Variants in CTNNA3 observed in about 807,000 individuals in gnomAD.
The protein encoded by CTNNA3 is catenin alpha-3.
In CTNNA3, 76 loss-of-function variants were observed where a neutral mutation model predicts 95.7. That is an observed-to-expected ratio of 0.79 (90% CI 0.66 to 0.96). CTNNA3 has a LOEUF of 0.96. Ranked by LOEUF, CTNNA3 falls within the 40% of genes least tolerant of loss-of-function variation. The pLI is 0.00. For synonymous variants in CTNNA3, 431 were observed against 374.4 expected (o/e 1.15, Z -1.74); for missense variants, 1,191 against 1,089.8 (o/e 1.09, Z -1.31).
intron 13 of CTNNA3, among the ~76,000 whole-genome samples, chr10:66,261,799 A>G (rs2091010312): frequency 6.6e-6 from 1 of 151,946 alleles, no homozygotes; most frequent in African/African-American, 2.4e-5. Context: ...AACCATTTTG[A>G]AGACCCCCAC....
chr10:67,478,406 G>A (rs1848097756), intron 5 of CTNNA3, among the ~76,000 whole-genome samples: 2 of 152,076 alleles, frequency 1.3e-5, no homozygotes, highest in South Asian at 4.2e-4. Context: ...TCACATAAAG[G>A]GGAATCCCAT....
chr10:66,257,985 A>C (rs924421587), intron 13 of CTNNA3, among the ~76,000 whole-genome samples: 5 of 152,116 alleles, frequency 3.3e-5, no homozygotes, highest in African/African-American at 1.2e-4. Context: ...TTTGCTTTTG[A>C]ATGGCAAATA....
At chr10:66,155,404 A>G (rs1344365400) in intron 13 of CTNNA3, among the ~76,000 whole-genome samples, 1 of 151,886 alleles carries the variant, frequency 6.6e-6, no homozygotes, top group Non-Finnish European at 1.5e-5. Flanking sequence ...CAAATTAAAT[A>G]AACTAAACTT....
chr10:66,710,779 G>T, intron 9 of CTNNA3, among the ~76,000 whole-genome samples: 1 of 151,858 alleles, frequency 6.6e-6, no homozygotes, highest in Non-Finnish European at 1.5e-5. Context: ...AATACAGTTT[G>T]AGGAAAGAAT....
In CTNNA3 at chr10:66,698,385, A is replaced by G. The variant is rs955019257; in HGVS notation, c.1281+67879T>C. On this transcript the variant is annotated intron_variant, in intron 9 of 17. Transcript: ENST00000433211. ...AAAATGTAGGCAGGAGCTGAATTCA[A>G]TCTTACAATGTGTGTGCGCTTATTC... Among the ~76,000 whole-genome samples the G allele has an allele frequency of 3.9e-5, 6 of 152,306 alleles. No homozygotes were observed. The East Asian group carries it at 5.8e-4, about 15-fold the overall frequency.
intron 10 of CTNNA3, among the ~76,000 whole-genome samples, chr10:66,529,335 T>C (rs926387503): frequency 2.0e-5 from 3 of 152,096 alleles, no homozygotes; most frequent in East Asian, 1.9e-4. Context: ...TTTCACCATG[T>C]TGGGCAGGCT....
chr10:67,163,697 T>C (rs1310871860), intron 7 of CTNNA3, among the ~76,000 whole-genome samples: 1 of 151,944 alleles, frequency 6.6e-6, no homozygotes, highest in African/African-American at 2.4e-5. Flanking sequence ...CTACTATCTA[T>C]ACATGACATA....
chr10:67,068,213 T>C (rs546401420), intron 7 of CTNNA3, among the ~76,000 whole-genome samples: 2 of 152,078 alleles, frequency 1.3e-5, no homozygotes, highest in African/African-American at 4.8e-5. Context: ...AGAAGGTGGA[T>C]TGGACCTGGG....
chr10:67,556,798 T>G (rs551193663), intron 3 of CTNNA3, among the ~76,000 whole-genome samples: 44 of 152,340 alleles, frequency 2.9e-4, no homozygotes, highest in Non-Finnish European at 5.6e-4. Flanking sequence ...TTCTGCTAGC[T>G]TTTGAATGTG....
At chr10:66,965,616 A>G (rs1849373433) in intron 7 of CTNNA3, among the ~76,000 whole-genome samples, 1 of 151,228 alleles carries the variant, frequency 6.6e-6, no homozygotes. Flanking sequence ...CAGGAGGGCA[A>G]GACAGTTCCC....
chr10:66,315,046 G>A (rs1231801299), intron 12 of CTNNA3, among the ~76,000 whole-genome samples: 17 of 152,010 alleles, frequency 1.1e-4, no homozygotes, highest in African/African-American at 3.6e-4. Context: ...AAAAACTGAA[G>A]GAGGCAAAGG....
chr10:66,237,200 T>C (rs967767243), intron 13 of CTNNA3, among the ~76,000 whole-genome samples: 1 of 152,078 alleles, frequency 6.6e-6, no homozygotes, highest in Admixed American at 6.6e-5. Context: ...AGGAAAGAGA[T>C]TTTATATTCA....
chr10:67,573,196 G>A (rs986634498), intron 3 of CTNNA3, among the ~76,000 whole-genome samples: 1 of 152,200 alleles, frequency 6.6e-6, no homozygotes, highest in African/African-American at 2.4e-5. Context: ...TATAGACAAT[G>A]ATGGGATTAG....
At chr10:67,556,141 C>T (rs961893469) in intron 3 of CTNNA3, among the ~76,000 whole-genome samples, 2 of 152,282 alleles carry the variant, frequency 1.3e-5, no homozygotes, top group Non-Finnish European at 2.9e-5. Context: ...TGATGTGCTG[C>T]TGGATTCGGT....
intron 9 of CTNNA3, among the ~76,000 whole-genome samples, chr10:66,628,485 T>C (rs1407681713): frequency 6.6e-6 from 1 of 152,102 alleles, no homozygotes; most frequent in Non-Finnish European, 1.5e-5. Context: ...TGTATATTCA[T>C]TGGAAACATC....
chr10:67,045,762 A>C (rs891843460), intron 7 of CTNNA3, among the ~76,000 whole-genome samples: 17 of 151,980 alleles, frequency 1.1e-4, no homozygotes, highest in African/African-American at 3.9e-4. Flanking sequence ...TAAAGAGGAG[A>C]AACCGAACTG....
chr10:67,751,314 C>T (rs973070125), intron 1 of CTNNA3: 3 of 833,748 alleles, frequency 3.6e-6, no homozygotes, highest in Admixed American at 3.9e-5. Context: ...CCTATTTTAG[C>T]CAAGCTTATC....
At chr10:67,568,371 T>C (rs1474722222) in intron 3 of CTNNA3, among the ~76,000 whole-genome samples, 1 of 152,002 alleles carries the variant, frequency 6.6e-6, no homozygotes, top group Non-Finnish European at 1.5e-5. Context: ...TCAGTATACT[T>C]AGGTACTTAA....
At chr10:66,601,101 A>G (rs1843906235) in intron 10 of CTNNA3, among the ~76,000 whole-genome samples, 1 of 151,904 alleles carries the variant, frequency 6.6e-6, no homozygotes, top group Admixed American at 6.6e-5. Context: ...CAAGAATTAA[A>G]TATGGTAGCT....
Sources: allele counts gnomAD v4.1 joint callset (sites outside exome capture counted in the v4.1 genomes callset), GRCh38; gene constraint gnomAD v4.1.1; transcripts MANE v1.5; gene names NCBI Gene and HGNC (gene_info 2026-07-23, HGNC 2026-07-21).